The following COL24A1 variants were observed in gnomAD, a reference collection of about 807,000 sequenced individuals.
The protein encoded by COL24A1 is collagen alpha-1(XXIV) chain.
In COL24A1, 224 loss-of-function variants were observed where a neutral mutation model predicts 253.9. That is an observed-to-expected ratio of 0.88 (90% CI 0.79 to 0.99). COL24A1 has a LOEUF of 0.99. COL24A1 is among the 50% of genes least tolerant of loss of function. The pLI is 0.00. For missense variants in COL24A1, 2,131 were observed against 2,068.5 expected, an observed-to-expected ratio of 1.03 and a Z score of -0.59; for synonymous variants, 685 against 673.7, an observed-to-expected ratio of 1.02 and a Z score of -0.26.
intron 3 of COL24A1, among the ~76,000 whole-genome samples, chr1:86,123,836 C>A (rs896779956): frequency 6.6e-6 from 1 of 151,846 alleles, no homozygotes; most frequent in Admixed American, 6.6e-5. Flanking sequence ...CCTATCAAAT[C>A]ACTTCTAGGA....
At chr1:85,993,248 TA>T (rs1336232921) in intron 19 of COL24A1, among the ~76,000 whole-genome samples, 1 of 152,138 alleles carries the variant, frequency 6.6e-6, no homozygotes, top group Non-Finnish European at 1.5e-5. Flanking sequence ...TTGAGCACTT[TA>T]ATAGTTTTCC....
intron 47 of COL24A1, among the ~76,000 whole-genome samples, chr1:85,790,289 A>T (rs551960610): frequency 6.6e-6 from 1 of 152,284 alleles, no homozygotes; most frequent in South Asian, 2.1e-4. Flanking sequence ...GGGAGGGTGT[A>T]TATGTCAATG....
chr1:86,008,606 C>T (rs182722908), intron 19 of COL24A1, among the ~76,000 whole-genome samples: 93 of 152,258 alleles, frequency 6.1e-4, no homozygotes, highest in African/African-American at 2.2e-3. Flanking sequence ...CAAGGATGCT[C>T]ACCACTTCTT....
At chr1:86,124,793 G>T in intron 3 of COL24A1, 52 bp downstream of exon 3, 1 of 1,349,348 alleles carries the variant, frequency 7.4e-7, no homozygotes, top group Non-Finnish European at 9.9e-7. Context: ...TTTAAAGAGA[G>T]TTTAAAATGT....
intron 42 of COL24A1, among the ~76,000 whole-genome samples, chr1:85,839,132 G>A (rs748110695): frequency 6.6e-6 from 1 of 152,068 alleles, no homozygotes; most frequent in Non-Finnish European, 1.5e-5. Flanking sequence ...CCAGGAGGTC[G>A]AGGTTGCAGT....
intron 19 of COL24A1, among the ~76,000 whole-genome samples, 200 bp downstream of exon 19, chr1:86,016,951 T>G (rs1430683484): frequency 6.6e-6 from 1 of 152,210 alleles, no homozygotes; most frequent in Non-Finnish European, 1.5e-5. Flanking sequence ...AAAATGTGGC[T>G]AATGCACTTT....
chr1:85,885,227 G>C (rs1270603985), intron 32 of COL24A1, among the ~76,000 whole-genome samples: 2 of 151,552 alleles, frequency 1.3e-5, no homozygotes, highest in African/African-American at 4.8e-5. Flanking sequence ...TAGAGGCAGA[G>C]TCTTGTTCCG....
intron 37 of COL24A1, among the ~76,000 whole-genome samples, chr1:85,867,182 G>T (rs1331430007): frequency 6.6e-6 from 1 of 152,100 alleles, no homozygotes; most frequent in Admixed American, 6.6e-5. Flanking sequence ...ATTGGGGCAG[G>T]GCCCATTCAA....
intron 13 of COL24A1, among the ~76,000 whole-genome samples, chr1:86,032,703 A>C (rs968804727): frequency 1.3e-5 from 2 of 152,144 alleles, no homozygotes; most frequent in African/African-American, 4.8e-5. Flanking sequence ...TATACTATAG[A>C]GAATTATAAA....
intron 10 of COL24A1, 47 bp from the exon 11 acceptor site, chr1:86,050,224 C>A (rs1424230969): frequency 6.6e-6 from 10 of 1,512,740 alleles, no homozygotes; most frequent in Non-Finnish European, 9.2e-6. Flanking sequence ...TGAATATTCT[C>A]CCCATAAGTG....
intron 39 of COL24A1, among the ~76,000 whole-genome samples, chr1:85,842,873 G>A (rs756034874): frequency 1.2e-4 from 19 of 152,022 alleles, no homozygotes; most frequent in Non-Finnish European, 2.8e-4. Context: ...GGAAATGGTT[G>A]ACAACTTACA....
intron 24 of COL24A1, among the ~76,000 whole-genome samples, chr1:85,948,530 A>G (rs1464836056): frequency 1.3e-5 from 2 of 148,572 alleles, no homozygotes; most frequent in Admixed American, 6.7e-5. Context: ...TCTCAAAAAA[A>G]AAAAAAAAAA....
At position 85,992,110 on chromosome 1, in the gene COL24A1, C is replaced by A. The variant is rs560802602; in HGVS notation, c.2311-4456G>T. 2.1e-4 allele frequency among the ~76,000 whole-genome samples: 32 copies of A among 151,506 alleles called. 1 individual carries two copies. The South Asian group carries it at 6.7e-3, about 32-fold the overall frequency. Reference sequence around the variant, plus strand: ...ACAACAGGCCCCAGTGTGTGATGTTCCCCTTCCTGTGTCCATGTGTTCTCA... The same window carrying A: ...ACAACAGGCCCCAGTGTGTGATGTTACCCTTCCTGTGTCCATGTGTTCTCA... On this transcript the variant is annotated intron_variant, in intron 19 of 59. Transcript: ENST00000370571.
At chr1:85,836,741 C>CA (rs1676046208) in intron 43 of COL24A1, among the ~76,000 whole-genome samples, 1 of 152,036 alleles carries the variant, frequency 6.6e-6, no homozygotes, top group South Asian at 2.1e-4. Context: ...AGAAATAAGA[C>CA]AGAAAGGAAG....
chr1:85,762,321 C>T (rs1354263852), intron 53 of COL24A1, among the ~76,000 whole-genome samples: 1 of 152,124 alleles, frequency 6.6e-6, no homozygotes, highest in East Asian at 1.9e-4. Flanking sequence ...TATTAAGCAT[C>T]TTGTATTGCC....
chr1:85,732,476 G>C (rs1663605276), intron 59 of COL24A1, among the ~76,000 whole-genome samples: 1 of 151,590 alleles, frequency 6.6e-6, no homozygotes, highest in Non-Finnish European at 1.5e-5. Context: ...TTATCTGCCT[G>C]CCTTGGCCTC....
At chr1:85,835,490 A>G (rs1477634874) in intron 43 of COL24A1, among the ~76,000 whole-genome samples, 1 of 152,162 alleles carries the variant, frequency 6.6e-6, no homozygotes, top group Non-Finnish European at 1.5e-5. Flanking sequence ...CAGTACAACT[A>G]AGTATTCGTT....
At chr1:85,889,095 T>A (rs1039644904) in intron 32 of COL24A1, among the ~76,000 whole-genome samples, 1 of 152,112 alleles carries the variant, frequency 6.6e-6, no homozygotes, top group Admixed American at 6.5e-5. Flanking sequence ...TTTCATAAGT[T>A]TTTGTATTGA....
At chr1:86,112,815 T>G (rs2102162782) in intron 4 of COL24A1, among the ~76,000 whole-genome samples, 195 bp from the exon 5 acceptor site, 1 of 152,328 alleles carries the variant, frequency 6.6e-6, no homozygotes, top group South Asian at 2.1e-4. Context: ...AGATCTCAAC[T>G]CATTTTTAAA....
Sources: gnomAD v4.1 joint callset for allele counts (sites outside exome capture counted in the v4.1 genomes callset) on GRCh38, gnomAD v4.1.1 for gene constraint, MANE v1.5 for transcripts, NCBI Gene and HGNC (gene_info 2026-07-23, HGNC 2026-07-21) for gene names.